The following NME7 variants were observed in gnomAD, a reference collection of about 807,000 sequenced individuals.
NME7 encodes the protein NME/NM23 family member 7, also known as nucleoside diphosphate kinase 7.
Under a neutral mutation model 49.1 loss-of-function variants are expected in NME7, and 41 were observed. That is an observed-to-expected ratio of 0.83 (90% CI 0.65 to 1.08). The LOEUF is 1.08. NME7 is among the 50% of genes least tolerant of loss of function. The pLI, the probability that NME7 is intolerant of heterozygous loss-of-function variation, is 0.00. For synonymous variants in NME7, 139 were observed against 150.6 expected, an observed-to-expected ratio of 0.92 and a Z score of 0.56; for missense variants, 423 against 463.4, an observed-to-expected ratio of 0.91 and a Z score of 0.80.
At chr1:169,164,261 C>CA (rs1659340225) in intron 11 of NME7, among the ~76,000 whole-genome samples, 1 of 151,992 alleles carries the variant, frequency 6.6e-6, no homozygotes. Context: ...TCACCGAGTG[C>CA]AAAAAATACA....
intron 2 of NME7, 119 bp downstream of exon 2, chr1:169,324,274 A>G: frequency 2.0e-6 from 1 of 492,948 alleles, no homozygotes; most frequent in Non-Finnish European, 3.7e-6. Flanking sequence ...GAATTTCCAT[A>G]TGTATATATA....
At chr1:169,316,853 C>G (rs1651648022) in intron 3 of NME7, among the ~76,000 whole-genome samples, 1 of 151,852 alleles carries the variant, frequency 6.6e-6, no homozygotes, top group Non-Finnish European at 1.5e-5. Context: ...TCTGACAGAA[C>G]TGTAAGATCA....
intron 1 of NME7, among the ~76,000 whole-genome samples, chr1:169,354,134 T>C (rs961019958): frequency 9.9e-5 from 15 of 152,098 alleles, no homozygotes; most frequent in African/African-American, 3.1e-4. Flanking sequence ...CAGTCAAAAT[T>C]TGGAAGCAAC....
chr1:169,151,198 A>G (rs1658904136), intron 11 of NME7, among the ~76,000 whole-genome samples: 1 of 152,108 alleles, frequency 6.6e-6, no homozygotes, highest in Non-Finnish European at 1.5e-5. Flanking sequence ...CTAGGCGGGA[A>G]GGCAGAGCTG....
intron 1 of NME7, among the ~76,000 whole-genome samples, chr1:169,355,759 T>A (rs1333391912): frequency 6.6e-6 from 1 of 152,086 alleles, no homozygotes; most frequent in Non-Finnish European, 1.5e-5. Flanking sequence ...CTTCACTCTC[T>A]GTCTTGTTTG....
intron 10 of NME7, among the ~76,000 whole-genome samples, chr1:169,213,058 C>T (rs189786163): frequency 2.4e-3 from 371 of 152,184 alleles, no homozygotes; most frequent in Middle Eastern, 6.8e-3. Context: ...CTAAGTATAA[C>T]AGTGCTGTGA....
intron 10 of NME7, among the ~76,000 whole-genome samples, chr1:169,181,022 T>C (rs1659910539): frequency 3.9e-5 from 6 of 152,120 alleles, no homozygotes; most frequent in Admixed American, 3.9e-4. Context: ...AGACTAATAA[T>C]ATCTGCAGTA....
chr1:169,232,912 C>CTTTTTT lies in NME7; in HGVS notation c.889-2099_889-2094dup, dbSNP rs10545228. Among the ~76,000 whole-genome samples the CTTTTTT allele has an allele frequency of 1.4e-3, 103 of 74,524 alleles. 1 individual carries two copies. The highest frequency in any genetic ancestry group is 6.8e-3 in the East Asian group (16 of 2,342). The allele number at this position is 74,524 out of a possible 152,430, so 48.9% of individuals were successfully genotyped here. ...TTTTTCCTTTCTGTTGTTTTCTTTT[C>CTTTTTT]TTTTTTTTTTTTTTTTTTTTTTTTT... On this transcript the variant is annotated intron_variant, in intron 9 of 11. Transcript: ENST00000367811.
At chr1:169,143,341 C>T (rs1025861927) in intron 11 of NME7, among the ~76,000 whole-genome samples, 6 of 146,078 alleles carry the variant, frequency 4.1e-5, no homozygotes, top group African/African-American at 1.5e-4. Flanking sequence ...ACCAATTCCC[C>T]GCATAAGGGC....
intron 3 of NME7, among the ~76,000 whole-genome samples, chr1:169,318,688 C>G (rs1351552362): frequency 2.6e-5 from 4 of 151,966 alleles, no homozygotes; most frequent in African/African-American, 7.3e-5. Flanking sequence ...TATGGTTTTA[C>G]AGCTGGGGTG....
intron 11 of NME7, among the ~76,000 whole-genome samples, chr1:169,135,589 C>CT (rs1658404775): frequency 6.6e-6 from 1 of 151,908 alleles, no homozygotes; most frequent in African/African-American, 2.4e-5. Flanking sequence ...CTCCTTTTTT[C>CT]TTTAAGAGGG....
intron 10 of NME7, among the ~76,000 whole-genome samples, chr1:169,172,323 C>CGTGTGTGTGTGTGTGTGT (rs200830717): frequency 2.3e-5 from 3 of 127,790 alleles, no homozygotes; most frequent in Non-Finnish European, 3.5e-5. Context: ...CAAAAACATA[C>CGTGTGTGTGTGTGTGTGT]GTGTGTGTGT....
At chr1:169,335,839 C>A (rs1228942660) in intron 1 of NME7, among the ~76,000 whole-genome samples, 1 of 149,720 alleles carries the variant, frequency 6.7e-6, no homozygotes, top group East Asian at 1.9e-4. Context: ...ATCTAAGAAC[C>A]TGCTCCCTCA....
intron 11 of NME7, among the ~76,000 whole-genome samples, chr1:169,149,248 G>A (rs1227676785): frequency 6.6e-6 from 1 of 152,128 alleles, no homozygotes; most frequent in Non-Finnish European, 1.5e-5. Context: ...GGCCAAGGCA[G>A]GAGATTTGCT....
intron 1 of NME7, among the ~76,000 whole-genome samples, chr1:169,334,644 T>TA (rs1190731416): frequency 6.6e-6 from 1 of 152,050 alleles, no homozygotes. Flanking sequence ...ATTCAGGACA[T>TA]AGGAATGGGC....
intron 2 of NME7, 51 bp downstream of exon 2, chr1:169,324,342 T>A: frequency 1.8e-6 from 2 of 1,137,908 alleles, no homozygotes; most frequent in Admixed American, 1.8e-5. Context: ...AGGCAATGGT[T>A]CCCATGTTCA....
chr1:169,301,605 A>T (rs1035647397), intron 5 of NME7, among the ~76,000 whole-genome samples: 2 of 152,170 alleles, frequency 1.3e-5, no homozygotes, highest in African/African-American at 2.4e-5. Flanking sequence ...TCTGCCAAAA[A>T]GACACATGCC....
chr1:169,354,495 T>G (rs1653307231), intron 1 of NME7, among the ~76,000 whole-genome samples: 1 of 151,780 alleles, frequency 6.6e-6, no homozygotes, highest in African/African-American at 2.4e-5. Context: ...AATAATTTAA[T>G]TATACATTTT....
intron 6 of NME7, 57 bp from the exon 7 acceptor site, chr1:169,287,465 G>T: frequency 1.6e-6 from 2 of 1,222,050 alleles, no homozygotes; most frequent in Non-Finnish European, 2.2e-6. Flanking sequence ...GAACTTACAA[G>T]ATATTTCTGT....
Sources: allele counts gnomAD v4.1 joint callset (sites outside exome capture counted in the v4.1 genomes callset), GRCh38; gene constraint gnomAD v4.1.1; transcripts MANE v1.5; gene names NCBI Gene and HGNC (gene_info 2026-07-23, HGNC 2026-07-21).